The following SLC24A3 variants were observed in gnomAD, a reference collection of about 807,000 sequenced individuals.
The protein encoded by SLC24A3 is sodium/potassium/calcium exchanger 3.
A neutral mutation model predicts 75.8 loss-of-function variants in SLC24A3; 28 were observed. The observed-to-expected ratio is 0.37, with a 90% confidence interval of 0.27 to 0.51. The LOEUF is 0.51. Among genes scored for constraint, SLC24A3 ranks in the 20% least tolerant of loss-of-function variants. SLC24A3 has a pLI of 0.94. For missense variants in SLC24A3, 663 were observed against 847.8 expected (o/e 0.78, Z 2.71); for synonymous variants, 372 against 334.1 (o/e 1.11, Z -1.24).
chr20:19,285,340 T>C (rs1983785496), intron 2 of SLC24A3, among the ~76,000 whole-genome samples: 1 of 151,716 alleles, frequency 6.6e-6, no homozygotes, highest in South Asian at 2.1e-4. Flanking sequence ...TAGCCAGTCG[T>C]GGTGGTGTGA....
intron 2 of SLC24A3, among the ~76,000 whole-genome samples, chr20:19,479,587 A>G (rs944006786): frequency 6.6e-6 from 1 of 152,104 alleles, no homozygotes; most frequent in African/African-American, 2.4e-5. Flanking sequence ...AAGAGAGACA[A>G]GAGAGGGAAA....
At chr20:19,327,952 A>G (rs1984909413) in intron 2 of SLC24A3, among the ~76,000 whole-genome samples, 1 of 151,784 alleles carries the variant, frequency 6.6e-6, no homozygotes, top group Admixed American at 6.6e-5. Flanking sequence ...ACATGCACAA[A>G]TAAATGTAAA....
At chr20:19,348,949 G>GT (rs774314875) in intron 2 of SLC24A3, among the ~76,000 whole-genome samples, 6 of 151,932 alleles carry the variant, frequency 3.9e-5, no homozygotes, top group Non-Finnish European at 7.4e-5. Context: ...TCCCTTCCAC[G>GT]TGACACCCAG....
intron 3 of SLC24A3, among the ~76,000 whole-genome samples, chr20:19,515,869 G>T (rs1005221550): frequency 6.6e-6 from 1 of 152,142 alleles, no homozygotes; most frequent in Non-Finnish European, 1.5e-5. Context: ...CCACCCTCTT[G>T]GGGAGCCCTT....
intron 1 of SLC24A3, among the ~76,000 whole-genome samples, chr20:19,256,497 A>C (rs995171204): frequency 6.6e-6 from 1 of 152,294 alleles, no homozygotes; most frequent in South Asian, 2.1e-4. Flanking sequence ...GGCTGGGTGC[A>C]GTGGCTCACG....
chr20:19,660,480 G>A (rs569982975), intron 7 of SLC24A3, among the ~76,000 whole-genome samples: 15 of 152,132 alleles, frequency 9.9e-5, no homozygotes, highest in African/African-American at 2.7e-4. Flanking sequence ...GTTTCTTTTC[G>A]TGGCTCAGTA....
At chr20:19,395,038 G>A (rs1986429610) in intron 2 of SLC24A3, among the ~76,000 whole-genome samples, 1 of 152,130 alleles carries the variant, frequency 6.6e-6, no homozygotes, top group African/African-American at 2.4e-5. Context: ...ACCTTAAAAA[G>A]GAAGACAATT....
At chr20:19,262,769 TTACAC>T (rs929030209) in intron 1 of SLC24A3, among the ~76,000 whole-genome samples, 4 of 152,224 alleles carry the variant, frequency 2.6e-5, no homozygotes, top group Non-Finnish European at 5.9e-5. Context: ...CCCACCCACT[TTACAC>T]TAACTACTGC....
At chr20:19,335,152 G>A (rs1210066720) in intron 2 of SLC24A3, among the ~76,000 whole-genome samples, 1 of 152,040 alleles carries the variant, frequency 6.6e-6, no homozygotes, top group Non-Finnish European at 1.5e-5. Context: ...ACGGTTATTG[G>A]CTACCATCAT....
At chr20:19,265,460 G>A (rs1983136898) in intron 1 of SLC24A3, among the ~76,000 whole-genome samples, 2 of 152,192 alleles carry the variant, frequency 1.3e-5, no homozygotes, top group Admixed American at 6.5e-5. Flanking sequence ...AGCCAGGAAG[G>A]GCTGGGGAAG....
chr20:19,280,734 G>T (rs1321590253), intron 1 of SLC24A3, among the ~76,000 whole-genome samples: 5 of 152,196 alleles, frequency 3.3e-5, no homozygotes, highest in Non-Finnish European at 7.3e-5. Context: ...TAGACAACTG[G>T]AGCTTGATCC....
chr20:19,365,333 G>A (rs1270582279), intron 2 of SLC24A3, among the ~76,000 whole-genome samples: 1 of 152,142 alleles, frequency 6.6e-6, no homozygotes. Context: ...CTCTGGAGGT[G>A]GGCCCCAGGA....
chr20:19,339,900 C>A (rs1482554560), intron 2 of SLC24A3, among the ~76,000 whole-genome samples: 1 of 152,178 alleles, frequency 6.6e-6, no homozygotes, highest in African/African-American at 2.4e-5. Context: ...ATATAATCTG[C>A]AAAAGAATTC....
At chr20:19,323,995 G>A (rs376612939) in intron 2 of SLC24A3, among the ~76,000 whole-genome samples, 14 of 152,286 alleles carry the variant, frequency 9.2e-5, no homozygotes, top group African/African-American at 2.2e-4. Context: ...TTGCAAGGTC[G>A]TTGATTGGTA....
chr20:19,704,715 G>A (rs774790347), intron 15 of SLC24A3, among the ~76,000 whole-genome samples: 5 of 152,164 alleles, frequency 3.3e-5, no homozygotes, highest in Admixed American at 6.5e-5. Flanking sequence ...AGAGAGGGGT[G>A]TGTGGCGAGC....
intron 2 of SLC24A3, among the ~76,000 whole-genome samples, chr20:19,389,312 A>T (rs1986327641): frequency 6.6e-6 from 1 of 152,140 alleles, no homozygotes; most frequent in Non-Finnish European, 1.5e-5. Flanking sequence ...TTACCTTTAA[A>T]TTGAGTTTTA....
At chr20:19,262,189 G>A (rs1385965957) in intron 1 of SLC24A3, among the ~76,000 whole-genome samples, 1 of 151,858 alleles carries the variant, frequency 6.6e-6, no homozygotes, top group Non-Finnish European at 1.5e-5. Flanking sequence ...GGATCACGAG[G>A]TCAGGAGATC....
chr20:19,490,897 T>G (rs1988199930), intron 2 of SLC24A3, among the ~76,000 whole-genome samples: 1 of 152,188 alleles, frequency 6.6e-6, no homozygotes, highest in Admixed American at 6.5e-5. Flanking sequence ...AACAATTCTT[T>G]CTCCCTGCTC....
At chr20:19,230,502 G>C (rs546155333) in intron 1 of SLC24A3, among the ~76,000 whole-genome samples, 1 of 151,842 alleles carries the variant, frequency 6.6e-6, no homozygotes, top group Non-Finnish European at 1.5e-5. Flanking sequence ...TCTTTCCATC[G>C]CACCTCTTTT....
Sources: allele counts gnomAD v4.1 joint callset (sites outside exome capture counted in the v4.1 genomes callset), GRCh38; gene constraint gnomAD v4.1.1; transcripts MANE v1.5; gene names NCBI Gene and HGNC (gene_info 2026-07-23, HGNC 2026-07-21).